The following TRPC1 variants were observed in gnomAD, a reference collection of about 807,000 sequenced individuals.
TRPC1 encodes the protein short transient receptor potential channel 1.
TRPC1 carries 42 observed loss-of-function variants against 88.2 expected under a neutral mutation model. The ratio of observed to expected loss-of-function variants is 0.48; its 90% CI spans 0.37 to 0.62. The LOEUF (loss-of-function observed/expected upper bound fraction) is 0.62. TRPC1 is among the 20% of genes least tolerant of loss of function. TRPC1 has a pLI of 0.00. For missense variants in TRPC1, 699 were observed against 957.3 expected, an observed-to-expected ratio of 0.73 and a Z score of 3.56; for synonymous variants, 288 against 331.8, an observed-to-expected ratio of 0.87 and a Z score of 1.43.
chr3:142,725,169 T>A (rs1369585292), intron 1 of TRPC1, among the ~76,000 whole-genome samples: 3 of 152,066 alleles, frequency 2.0e-5, no homozygotes, highest in Non-Finnish European at 2.9e-5. Flanking sequence ...GTATGGAGGG[T>A]TCTCATCACC....
Position 142,776,901 on chromosome 3 carries a change from C to T in TRPC1, c.633-731C>T, listed in dbSNP as rs1217018470. On this transcript the variant is annotated intron_variant, in intron 4 of 12. Coordinates refer to ENST00000476941, the MANE Select transcript of TRPC1 (RefSeq NM_001251845.2). This position sits in a 1 kb window ranked among gnomAD's most constrained non-coding sequence, Gnocchi z 4.1. ...CTGGTGACAGAGTGAGACTCCATCT[C>T]AAAAAAAAAAGAAAAAAAAAGTATT... Among the ~76,000 whole-genome samples, 1 of 116,702 alleles carries T rather than the reference C, an allele frequency of 8.6e-6. No homozygotes were observed. Among genetic ancestry groups the T allele is most frequent in the South Asian group, 2.6e-4 (1 of 3,822 alleles). 76.6% of individuals were successfully genotyped at this position (116,702 alleles called of 152,430 possible).
At chr3:142,752,318 A>G (rs1934794803) in intron 4 of TRPC1, among the ~76,000 whole-genome samples, 1 of 152,292 alleles carries the variant, frequency 6.6e-6, no homozygotes, top group South Asian at 2.1e-4. Context: ...TGTGAGCAAA[A>G]GAATCTATAT....
chr3:142,759,124 C>T (rs1935089423), intron 4 of TRPC1, among the ~76,000 whole-genome samples: 2 of 151,976 alleles, frequency 1.3e-5, no homozygotes, highest in South Asian at 2.1e-4. Context: ...TGAATAATGC[C>T]ACAATAAACA....
chr3:142,731,366 ATGTTT>A (rs1184915186), intron 1 of TRPC1, among the ~76,000 whole-genome samples: 1 of 134,716 alleles, frequency 7.4e-6, no homozygotes, highest in Non-Finnish European at 1.6e-5. Context: ...TAAGCTTGAT[ATGTTT>A]TGATTTTTTT....
chr3:142,804,760 C>T (rs754027423), intron 12 of TRPC1, 130 bp downstream of exon 12: 47 of 710,196 alleles, frequency 6.6e-5, no homozygotes, highest in Non-Finnish European at 9.9e-5. Flanking sequence ...CTGCTATATA[C>T]CCTAATGTAC....
rs1336337864 is a variant in TRPC1, at chr3:142,804,145, G to A, written c.1926G>A (p.Val642=). ...VVVIVLTKLL[V]AMLHKSFQLI... ...TGATTGTGCTTACCAAACTGCTGGT[G>A]GCAATGCTTCATAAAAGCTTTCAGT... The change falls in exon 11 of 13, where the codon GTG becomes GTA. Residue 642 remains valine, a synonymous_variant. Transcript: ENST00000476941. The A allele has an allele frequency of 6.2e-7, 1 of 1,613,680 alleles. No homozygotes were observed. Among genetic ancestry groups the A allele is most frequent in the African/African-American group, 1.3e-5 (1 of 74,868 alleles).
chr3:142,768,568 T>TC (rs1260602389), intron 4 of TRPC1, among the ~76,000 whole-genome samples: 1 of 152,146 alleles, frequency 6.6e-6, no homozygotes, highest in Non-Finnish European at 1.5e-5. Flanking sequence ...AGTGTTTAGT[T>TC]CACTCACATG....
chr3:142,739,627 G>T (rs1209236067), intron 2 of TRPC1, among the ~76,000 whole-genome samples: 3 of 152,128 alleles, frequency 2.0e-5, no homozygotes, highest in Non-Finnish European at 4.4e-5. Flanking sequence ...TAAGGAATTT[G>T]GGTTTTATAT....
intron 7 of TRPC1, among the ~76,000 whole-genome samples, chr3:142,785,612 C>T (rs1936109877): frequency 6.6e-6 from 1 of 152,178 alleles, no homozygotes; most frequent in African/African-American, 2.4e-5. Context: ...AACGATTCTC[C>T]TGCCTTAGCC....
chr3:142,748,645 T>G (rs774790981), intron 4 of TRPC1, among the ~76,000 whole-genome samples, 185 bp downstream of exon 4: 6 of 152,238 alleles, frequency 3.9e-5, no homozygotes, highest in Non-Finnish European at 5.9e-5. Flanking sequence ...GTTCACCAAA[T>G]GCTGAATAAT....
intron 1 of TRPC1, among the ~76,000 whole-genome samples, chr3:142,728,287 G>A (rs1933760537): frequency 6.6e-6 from 1 of 151,584 alleles, no homozygotes; most frequent in African/African-American, 2.4e-5. Flanking sequence ...TCACCTTTGT[G>A]GTAAGATTTG....
rs1934455472 is a variant in TRPC1, at chr3:142,744,204, T to C, written c.429+618T>C. On this transcript the variant is annotated intron_variant, in intron 3 of 12. Coordinates refer to ENST00000476941, the MANE Select transcript of TRPC1 (RefSeq NM_001251845.2). ...ATGTTAAATCTTAATGATAATCAAATACAGTAAGATACTAATTTTAAACTT... is the reference window on the plus strand; with the variant it reads ...ATGTTAAATCTTAATGATAATCAAACACAGTAAGATACTAATTTTAAACTT... 6.6e-5 allele frequency among the ~76,000 whole-genome samples: 10 copies of C among 152,052 alleles called. No individual in the cohort carries two copies. In the South Asian group the frequency reaches 2.1e-3, roughly 31 times the overall value.
intron 4 of TRPC1, among the ~76,000 whole-genome samples, chr3:142,763,569 T>C (rs2108078483): frequency 6.6e-6 from 1 of 152,186 alleles, no homozygotes; most frequent in Middle Eastern, 3.4e-3. Context: ...TGTATCTTTA[T>C]AAGTGAAATG....
intron 6 of TRPC1, among the ~76,000 whole-genome samples, chr3:142,782,660 G>A (rs1352388977): frequency 2.0e-5 from 3 of 152,170 alleles, no homozygotes; most frequent in Admixed American, 2.0e-4. Flanking sequence ...CCACTCACAT[G>A]TCTGGTGTCT....
At chr3:142,751,513 C>T (rs948531818) in intron 4 of TRPC1, among the ~76,000 whole-genome samples, 4 of 152,060 alleles carry the variant, frequency 2.6e-5, no homozygotes, top group African/African-American at 9.7e-5. Flanking sequence ...GTTCGCAAAA[C>T]GATGAAGTTG....
chr3:142,743,326 C>T (rs1934422983), intron 2 of TRPC1, among the ~76,000 whole-genome samples, 159 bp from the exon 3 acceptor site: 1 of 151,978 alleles, frequency 6.6e-6, no homozygotes, highest in Non-Finnish European at 1.5e-5. Flanking sequence ...CTAAGGCAAG[C>T]AAATGTACTA....
chr3:142,795,223 A>G (rs1201186628), intron 9 of TRPC1, among the ~76,000 whole-genome samples: 1 of 152,044 alleles, frequency 6.6e-6, no homozygotes, highest in Non-Finnish European at 1.5e-5. Flanking sequence ...CTTTGGGACA[A>G]CTTCAGGTGG....
At chr3:142,760,422 T>G (rs1307684743) in intron 4 of TRPC1, among the ~76,000 whole-genome samples, 1 of 152,168 alleles carries the variant, frequency 6.6e-6, no homozygotes, top group Non-Finnish European at 1.5e-5. Flanking sequence ...GGGTCTGTAT[T>G]ATGTTCCATT....
intron 2 of TRPC1, among the ~76,000 whole-genome samples, chr3:142,742,767 C>G (rs1005284253): frequency 2.6e-5 from 4 of 152,206 alleles, no homozygotes; most frequent in Admixed American, 2.0e-4. Context: ...GCCAGTAGGA[C>G]TATAGGCTTT....
Sources: gnomAD v4.1 joint callset for allele counts (sites outside exome capture counted in the v4.1 genomes callset) on GRCh38, gnomAD v4.1.1 for gene constraint, Gnocchi (gnomAD v3.1) non-coding constraint, MANE v1.5 for transcripts, NCBI Gene and HGNC (gene_info 2026-07-23, HGNC 2026-07-21) for gene names.